CSMD1: variants seen among roughly 807,000 people sequenced by gnomAD.
CSMD1 encodes the protein CUB and sushi domain-containing protein 1.
CSMD1 carries 213 observed loss-of-function variants against 417.5 expected under a neutral mutation model. That is an observed-to-expected ratio of 0.51 (90% CI 0.46 to 0.57). The LOEUF is 0.57. CSMD1 is among the 20% of genes least tolerant of loss of function. The pLI is 0.00. For missense variants in CSMD1, 6,923 were observed against 4,529.7 expected (o/e 1.53, Z -15.17); for synonymous variants, 2,862 against 1,736.8 (o/e 1.65, Z -16.11).
chr8:4,054,708 C>G (rs745760703), intron 3 of CSMD1, among the ~76,000 whole-genome samples: 1 of 152,104 alleles, frequency 6.6e-6, no homozygotes, highest in African/African-American at 2.4e-5. Context: ...CCTGAGGGTG[C>G]CCAGAGGAAA....
chr8:3,870,552 C>G (rs73493814), intron 5 of CSMD1, among the ~76,000 whole-genome samples: 1 of 152,104 alleles, frequency 6.6e-6, no homozygotes, highest in Non-Finnish European at 1.5e-5. Flanking sequence ...CCAGAAATGT[C>G]CAGCCATTTC....
At chr8:3,137,316 C>A (rs1818159779) in intron 41 of CSMD1, among the ~76,000 whole-genome samples, 1 of 152,196 alleles carries the variant, frequency 6.6e-6, no homozygotes, top group Admixed American at 6.5e-5. Flanking sequence ...AGACCTCAAA[C>A]AAATAAAGGC....
At chr8:3,227,419 C>T (rs777269315) in intron 27 of CSMD1, among the ~76,000 whole-genome samples, 3 of 151,912 alleles carry the variant, frequency 2.0e-5, no homozygotes, top group East Asian at 1.9e-4. Context: ...AAAACAAACA[C>T]GTTTTAAAAG....
intron 5 of CSMD1, among the ~76,000 whole-genome samples, chr8:3,867,191 T>C (rs1328493048): frequency 6.6e-6 from 1 of 152,152 alleles, no homozygotes; most frequent in Non-Finnish European, 1.5e-5. Flanking sequence ...TTGTCAATTG[T>C]ATATATAGAC....
At chr8:4,337,490 T>A (rs949873906) in intron 3 of CSMD1, among the ~76,000 whole-genome samples, 1 of 152,146 alleles carries the variant, frequency 6.6e-6, no homozygotes, top group Non-Finnish European at 1.5e-5. Context: ...CTTTGCTTTT[T>A]CTTATATTCT....
intron 2 of CSMD1, among the ~76,000 whole-genome samples, chr8:4,633,618 A>ATG (rs1207086903): frequency 2.0e-5 from 3 of 151,650 alleles, no homozygotes; most frequent in African/African-American, 7.3e-5. Flanking sequence ...GTGCAGTGGC[A>ATG]TGATCTGCAC....
chr8:3,225,219 AT>A (rs1487546033), intron 27 of CSMD1, among the ~76,000 whole-genome samples: 2 of 139,380 alleles, frequency 1.4e-5, no homozygotes, highest in East Asian at 4.4e-4. Flanking sequence ...ATAGGAAGAA[AT>A]AACAACTAAC....
At chr8:4,629,905 T>C (rs545333741) in intron 2 of CSMD1, among the ~76,000 whole-genome samples, 2 of 152,266 alleles carry the variant, frequency 1.3e-5, no homozygotes, top group South Asian at 2.1e-4. Context: ...CCTTAGGCTT[T>C]AACTTTCTAA....
chr8:4,874,803 T>C (rs1393697875), intron 1 of CSMD1, among the ~76,000 whole-genome samples: 1 of 150,188 alleles, frequency 6.7e-6, no homozygotes, highest in Non-Finnish European at 1.5e-5. Context: ...TGTGTGTGTA[T>C]ATATATATAT....
intron 10 of CSMD1, among the ~76,000 whole-genome samples, chr8:3,526,202 C>T (rs1458785431): frequency 6.6e-6 from 1 of 152,106 alleles, no homozygotes; most frequent in Non-Finnish European, 1.5e-5. Context: ...TCTCATCAAT[C>T]ATAAGACTAC....
intron 3 of CSMD1, among the ~76,000 whole-genome samples, chr8:4,134,242 G>A (rs1467253493): frequency 6.6e-6 from 1 of 152,146 alleles, no homozygotes; most frequent in Non-Finnish European, 1.5e-5. Context: ...GAGTTCGTAT[G>A]CTGATATATT....
At chr8:4,382,444 C>G (rs1002479539) in intron 3 of CSMD1, among the ~76,000 whole-genome samples, 1 of 152,166 alleles carries the variant, frequency 6.6e-6, no homozygotes, top group African/African-American at 2.4e-5. Context: ...ATAGTCTGGC[C>G]TTGTTACTTT....
At chr8:4,461,948 A>C (rs927385395) in intron 2 of CSMD1, among the ~76,000 whole-genome samples, 2 of 151,904 alleles carry the variant, frequency 1.3e-5, no homozygotes, top group Non-Finnish European at 2.9e-5. Flanking sequence ...TCATCATGTT[A>C]GCCAGGATGG....
intron 46 of CSMD1, among the ~76,000 whole-genome samples, chr8:3,102,207 C>G (rs1351094887): frequency 6.6e-6 from 1 of 152,122 alleles, no homozygotes; most frequent in Non-Finnish European, 1.5e-5. Context: ...TCGAATCAAT[C>G]AAATAGTAGA....
chr8:4,542,732 G>T (rs1170993429), intron 2 of CSMD1, among the ~76,000 whole-genome samples: 2 of 151,882 alleles, frequency 1.3e-5, no homozygotes. Flanking sequence ...TCAATGGATG[G>T]TCATGAAAAA....
At chr8:4,236,997 A>G (rs1279716242) in intron 3 of CSMD1, among the ~76,000 whole-genome samples, 2 of 152,200 alleles carry the variant, frequency 1.3e-5, no homozygotes, top group African/African-American at 4.8e-5. Context: ...TCACACACAC[A>G]AGATCTTAAA....
At chr8:4,685,492 T>G (rs747868188) in intron 1 of CSMD1, among the ~76,000 whole-genome samples, 5 of 152,030 alleles carry the variant, frequency 3.3e-5, no homozygotes, top group Non-Finnish European at 5.9e-5. Flanking sequence ...GGAGAATCGC[T>G]TAGAACTCAG....
chr8:4,682,045 G>T (rs1352976971), intron 1 of CSMD1, among the ~76,000 whole-genome samples: 1 of 152,206 alleles, frequency 6.6e-6, no homozygotes, highest in African/African-American at 2.4e-5. Flanking sequence ...TTGAGACAGG[G>T]TCTCACTCTG....
Position 4,133,910 on chromosome 8 carries a change from C to T in CSMD1, c.416-101811G>A, listed in dbSNP as rs557963600. ...AAGAAATCTTGTAAACATAGTTATC[C>T]AGGGAAACAGAATAAAATCTTGATG... is the stretch of plus-strand genomic sequence containing the variant. On this transcript the variant is annotated intron_variant, in intron 3 of 69. Coordinates refer to ENST00000635120, the MANE Select transcript of CSMD1 (RefSeq NM_033225.6). Among the ~76,000 whole-genome samples, 53 of 152,124 alleles carry T rather than the reference C, an allele frequency of 3.5e-4. No homozygotes were observed. In the South Asian group the frequency reaches 0.011, roughly 31 times the overall value.
Sources: allele counts gnomAD v4.1 joint callset (sites outside exome capture counted in the v4.1 genomes callset), GRCh38; gene constraint gnomAD v4.1.1; transcripts MANE v1.5; gene names NCBI Gene and HGNC (gene_info 2026-07-23, HGNC 2026-07-21).